The following NR3C2 variants were observed in gnomAD, a reference collection of about 807,000 sequenced individuals.
The protein encoded by NR3C2 is nuclear receptor subfamily 3 group C member 2, also known as mineralocorticoid receptor.
NR3C2 carries 15 observed loss-of-function variants against 86.4 expected under a neutral mutation model. That is an observed-to-expected ratio of 0.17 (90% CI 0.12 to 0.27). The LOEUF (loss-of-function observed/expected upper bound fraction) is 0.27, where lower values mean the gene tolerates loss of function less well. Among genes scored for constraint, NR3C2 ranks in the 10% least tolerant of loss-of-function variants. The probability of loss-of-function intolerance (pLI) is 1.00; values close to 1 mark genes in which losing one functional copy is unlikely to be tolerated. For synonymous variants in NR3C2, 458 were observed against 450.5 expected (o/e 1.02, Z -0.21); for missense variants, 960 against 1,195.6 (o/e 0.80, Z 2.91).
chr4:148,232,524 T>C (rs570102405), intron 3 of NR3C2, among the ~76,000 whole-genome samples: 1 of 152,234 alleles, frequency 6.6e-6, no homozygotes, highest in Non-Finnish European at 1.5e-5. Context: ...TATTGCATCA[T>C]GTATAGAGTA....
chr4:148,406,941 T>C (rs73857009), intron 2 of NR3C2, among the ~76,000 whole-genome samples: 6,115 of 152,282 alleles, frequency 0.04, 384 homozygotes, highest in African/African-American at 0.14. Flanking sequence ...TTACATGTTT[T>C]AGCCTAAGAA....
chr4:148,318,916 A>G (rs549312514), intron 2 of NR3C2, among the ~76,000 whole-genome samples: 2,187 of 150,344 alleles, frequency 0.015, 46 homozygotes, highest in African/African-American at 0.051. Context: ...TTTTGTTGCC[A>G]TTGCTTTTGG....
intron 2 of NR3C2, among the ~76,000 whole-genome samples, chr4:148,261,291 GTA>G (rs1740094021): frequency 8.5e-6 from 1 of 117,034 alleles, no homozygotes; most frequent in Non-Finnish European, 1.8e-5. Context: ...AAGCGCTATG[GTA>G]AGTGCTATGG....
chr4:148,318,402 G>T (rs2149947930), intron 2 of NR3C2, among the ~76,000 whole-genome samples: 1 of 150,794 alleles, frequency 6.6e-6, no homozygotes, highest in East Asian at 2.0e-4. Flanking sequence ...GTAATGGGAT[G>T]GCTGGGTCAA....
chr4:148,198,680 GC>G (rs1398087632), intron 3 of NR3C2, among the ~76,000 whole-genome samples: 1 of 150,248 alleles, frequency 6.7e-6, no homozygotes, highest in Non-Finnish European at 1.5e-5. Context: ...AAAGCAAGAA[GC>G]ACAAAGCCTG....
intron 6 of NR3C2, among the ~76,000 whole-genome samples, chr4:148,142,219 C>T (rs1733646063): frequency 6.6e-6 from 1 of 152,136 alleles, no homozygotes; most frequent in African/African-American, 2.4e-5. Context: ...TAGGAGCTGG[C>T]AATGCAAAGG....
At chr4:148,278,252 T>C (rs1311833533) in intron 2 of NR3C2, among the ~76,000 whole-genome samples, 1 of 151,912 alleles carries the variant, frequency 6.6e-6, no homozygotes, top group Non-Finnish European at 1.5e-5. Context: ...GAACCACAGG[T>C]GCATGCCTGG....
chr4:148,382,800 G>C (rs1302187419), intron 2 of NR3C2, among the ~76,000 whole-genome samples: 3 of 152,142 alleles, frequency 2.0e-5, no homozygotes, highest in African/African-American at 2.4e-5. Flanking sequence ...TTGGAGAAAA[G>C]AGTAAAGTAA....
chr4:148,300,364 G>A (rs1280481712), intron 2 of NR3C2, among the ~76,000 whole-genome samples: 1 of 152,160 alleles, frequency 6.6e-6, no homozygotes, highest in African/African-American at 2.4e-5. Flanking sequence ...CTTTGGTAAG[G>A]TTCAAAAACC....
At chr4:148,099,750 G>A (rs547363325) in intron 8 of NR3C2, among the ~76,000 whole-genome samples, 1 of 152,130 alleles carries the variant, frequency 6.6e-6, no homozygotes, top group Non-Finnish European at 1.5e-5. Flanking sequence ...TGACACAGGT[G>A]TTAGACAATA....
At chr4:148,222,648 C>T (rs1029153263) in intron 3 of NR3C2, among the ~76,000 whole-genome samples, 7 of 152,140 alleles carry the variant, frequency 4.6e-5, no homozygotes, top group African/African-American at 1.7e-4. Context: ...AAAAGCAATA[C>T]AATTTAAAAT....
chr4:148,284,202 A>G (rs1741398974), intron 2 of NR3C2, among the ~76,000 whole-genome samples: 2 of 152,094 alleles, frequency 1.3e-5, no homozygotes, highest in South Asian at 4.1e-4. Context: ...AGCCTTATGT[A>G]TGGAACATAA....
At chr4:148,341,743 TAAAAA>T (rs561272814) in intron 2 of NR3C2, among the ~76,000 whole-genome samples, 2 of 151,416 alleles carry the variant, frequency 1.3e-5, no homozygotes, top group African/African-American at 4.9e-5. Context: ...TATGCATCAA[TAAAAA>T]AAATAAAAAC....
chr4:148,218,085 T>C (rs1049258434), intron 3 of NR3C2, among the ~76,000 whole-genome samples: 1 of 152,206 alleles, frequency 6.6e-6, no homozygotes, highest in Non-Finnish European at 1.5e-5. Context: ...AAAGAAAAAG[T>C]TACCAACATT....
intron 2 of NR3C2, chr4:148,368,374 T>C (rs1346037297): frequency 6.6e-6 from 1 of 152,178 alleles, no homozygotes; most frequent in Non-Finnish European, 1.5e-5. Flanking sequence ...TGCTTCAATA[T>C]TAAGTGTGTA....
At chr4:148,409,990 G>A (rs896548615) in intron 2 of NR3C2, among the ~76,000 whole-genome samples, 2 of 152,038 alleles carry the variant, frequency 1.3e-5, no homozygotes, top group African/African-American at 4.8e-5. Context: ...CCTTTAAACT[G>A]TGTTTTTTTA....
intron 3 of NR3C2, among the ~76,000 whole-genome samples, chr4:148,219,715 A>C (rs1272315081): frequency 6.6e-6 from 1 of 152,158 alleles, no homozygotes; most frequent in Non-Finnish European, 1.5e-5. Context: ...TATTAACCAG[A>C]TGTTGGAAAG....
chr4:148,307,170 CAA>C (rs5862834), intron 2 of NR3C2, among the ~76,000 whole-genome samples: 1 of 150,706 alleles, frequency 6.6e-6, no homozygotes, highest in East Asian at 1.9e-4. Context: ...GTTAAAAATG[CAA>C]AAAAAAAACT....
chr4:148,194,886 CT>C (rs1433539641), intron 3 of NR3C2, 24 bp from the exon 4 acceptor site: 3 of 1,496,490 alleles, frequency 2.0e-6, no homozygotes, highest in East Asian at 4.5e-5. Flanking sequence ...TAAAAAATAA[CT>C]GTTAAAATAG....
Sources: gnomAD v4.1 joint callset for allele counts (sites outside exome capture counted in the v4.1 genomes callset) on GRCh38, gnomAD v4.1.1 for gene constraint, MANE v1.5 for transcripts, NCBI Gene and HGNC (gene_info 2026-07-23, HGNC 2026-07-21) for gene names.